DBNL: variants seen among roughly 807,000 people sequenced by gnomAD.
The protein encoded by DBNL is drebrin like, also known as drebrin-like protein.
In DBNL, 35 loss-of-function variants were observed where a neutral mutation model predicts 62.2. That is an observed-to-expected ratio of 0.56 (90% CI 0.43 to 0.75). DBNL has a LOEUF of 0.75. Among genes scored for constraint, DBNL ranks in the 30% least tolerant of loss-of-function variants. DBNL has a pLI of 0.00. For synonymous variants in DBNL, 197 were observed against 218.0 expected (o/e 0.90, Z 0.85); for missense variants, 495 against 578.4 (o/e 0.86, Z 1.48).
chr7:44,049,389 C>T (rs2096122586), intron 1 of DBNL, among the ~76,000 whole-genome samples: 1 of 152,206 alleles, frequency 6.6e-6, no homozygotes, highest in Admixed American at 6.5e-5. Flanking sequence ...ATCTCCTGAC[C>T]TCGTGATCCA....
chr7:44,047,172 C>T (rs534515751), intron 1 of DBNL, among the ~76,000 whole-genome samples: 1 of 152,160 alleles, frequency 6.6e-6, no homozygotes, highest in Non-Finnish European at 1.5e-5. Flanking sequence ...TGCTGGAAAT[C>T]CTTATGGATT....
rs1025636603 is a variant in DBNL at position 44,059,680 on chromosome 7, G to A, written c.1047+22G>A. Reference sequence around the variant, plus strand: ...ACTGGTGGGTTCCTACACTGGGGCTGGGGCCAGGAAGGGGCTGCATACTCA... The same window carrying A: ...ACTGGTGGGTTCCTACACTGGGGCTAGGGCCAGGAAGGGGCTGCATACTCA... On this transcript the variant is annotated intron_variant, in intron 11 of 12. Transcript: ENST00000448521. This position sits in a 1 kb window ranked among gnomAD's most constrained non-coding sequence, Gnocchi z 4.1. 1.9e-6 allele frequency: 3 copies of A among 1,578,344 alleles called. No individual in the cohort carries two copies. The highest frequency in any genetic ancestry group is 2.6e-6 in the Non-Finnish European group (3 of 1,167,670).
rs2096154751 is a variant in DBNL at position 44,064,222 on chromosome 7, C to T, written c.*3306C>T. On this transcript the variant is annotated 3_prime_UTR_variant, in exon 13 of 13. Transcript: ENST00000448521. The stretch of plus-strand genomic sequence containing the variant: ...CATGCATCCCGGGCCCATTTGTCAG[C>T]CCTTGCTCTTCAGTGGGAGCCCAGC... 6.4e-6 allele frequency: 1 copy of T among 156,572 alleles called. No homozygotes were observed. The highest frequency in any genetic ancestry group is 2.4e-5 in the African/African-American group (1 of 41,490). The allele number at this position is 156,572 out of a possible 1,614,324, so 9.7% of individuals were successfully genotyped here.
At chr7:44,045,396 G>A (rs759077217) in intron 1 of DBNL, among the ~76,000 whole-genome samples, 1 of 152,204 alleles carries the variant, frequency 6.6e-6, no homozygotes, top group South Asian at 2.1e-4. Context: ...TCTCCAAAAA[G>A]TGTACTCTTT....
chr7:44,065,692 G>A lies in DBNL; in HGVS notation c.*4776G>A, dbSNP rs886642902. The A allele has an allele frequency of 1.4e-6, 1 of 697,302 alleles. No individual in the cohort carries two copies. The highest frequency in any genetic ancestry group is 1.7e-5 in the African/African-American group (1 of 57,482). 43.2% of individuals were successfully genotyped at this position (697,302 alleles called of 1,614,324 possible). ...AGTAGCTGAGCTGCTGGGGGCTGGG[G>A]GCCAGGGGAGTGTGCAGGCCAAGAG... On this transcript the variant is annotated 3_prime_UTR_variant, in exon 13 of 13. Coordinates refer to ENST00000448521, the MANE Select transcript of DBNL (RefSeq NM_001014436.3).
rs1418244932 is a variant in DBNL, at chr7:44,059,489, C to T, written c.931+40C>T. 1.2e-6 allele frequency: 2 copies of T among 1,613,400 alleles called. No homozygotes were observed. The stretch of plus-strand genomic sequence containing the variant: ...ACCCCATGGGGACCCTGGGGGACAG[C>T]AGTGGAGAAGGGGGATGTGTGGGAG... On this transcript the variant is annotated intron_variant, in intron 10 of 12. Coordinates refer to ENST00000448521, the MANE Select transcript of DBNL (RefSeq NM_001014436.3). The surrounding 1 kb of genome is among the most constrained non-coding windows in gnomAD (Gnocchi z 4.1).
In DBNL at chr7:44,060,782, G is replaced by T. The variant is rs762296010; in HGVS notation, c.1159G>T (p.Asp387Tyr). ...RALYDYQAAD[D>Y]TEISFDPENL... is the part of the protein sequence containing the mutation. ...TGGGCTCATCCTCTTTGCAGCCGACGACACAGAGATCTCCTTTGACCCCGA... is the reference window on the plus strand; with the variant it reads ...TGGGCTCATCCTCTTTGCAGCCGACTACACAGAGATCTCCTTTGACCCCGA... Residue 387 changes from aspartate to tyrosine, a missense_variant, in exon 13 of 13, where the codon GAC becomes TAC. Coordinates refer to ENST00000448521, the MANE Select transcript of DBNL (RefSeq NM_001014436.3). The surrounding 1 kb of genome is among the most constrained non-coding windows in gnomAD (Gnocchi z 6.3). The T allele has an allele frequency of 1.2e-6, 2 of 1,613,764 alleles. No homozygotes were observed. The highest frequency in any genetic ancestry group is 1.1e-5 in the South Asian group (1 of 91,058).
At chr7:44,046,532 G>A (rs576474869) in intron 1 of DBNL, among the ~76,000 whole-genome samples, 40 of 152,198 alleles carry the variant, frequency 2.6e-4, no homozygotes, top group African/African-American at 8.9e-4. Flanking sequence ...CCCTCATGAG[G>A]GTTGTGGAGC....
rs888074959 is a variant in DBNL, at chr7:44,060,385, G to A, written c.1153+232G>A. Among the ~76,000 whole-genome samples the A allele has an allele frequency of 2.6e-5, 4 of 152,224 alleles. No homozygotes were observed. Among genetic ancestry groups the A allele is most frequent in the African/African-American group, 7.2e-5 (3 of 41,534 alleles). ...GTTCCTCATTAGCTATTTGCTGGCC[G>A]CTGATGTGAATCCCAGTTGCCACCC... On this transcript the variant is annotated intron_variant, in intron 12 of 12. Transcript: ENST00000448521. The surrounding 1 kb of genome is among the most constrained non-coding windows in gnomAD (Gnocchi z 6.3).
intron 4 of DBNL, among the ~76,000 whole-genome samples, chr7:44,054,098 T>C (rs756591962): frequency 1.2e-4 from 18 of 152,356 alleles, no homozygotes; most frequent in Non-Finnish European, 2.1e-4. Context: ...AATGACGTCA[T>C]GGGTCTGGCT....
chr7:44,059,308 G>T lies in DBNL; in HGVS notation c.836-46G>T. 6.3e-7 allele frequency: 1 copy of T among 1,592,544 alleles called. No individual in the cohort carries two copies. ...AGGGTGCTGTGGGGTGCGTGGGTGT[G>T]TGGTGGTGTTTCTGAAGTGATGTAT... On this transcript the variant is annotated intron_variant, in intron 9 of 12. Transcript: ENST00000448521. This position sits in a 1 kb window ranked among gnomAD's most constrained non-coding sequence, Gnocchi z 4.1.
In DBNL at chr7:44,062,639, A is replaced by T; in HGVS notation, c.*1723A>T. Reference sequence around the variant, plus strand: ...TGGTGACACACGTATGGAGTGGGGGAGGGTGGGTGGCTGCACCCCTGGTTC... The same window carrying T: ...TGGTGACACACGTATGGAGTGGGGGTGGGTGGGTGGCTGCACCCCTGGTTC... On this transcript the variant is annotated 3_prime_UTR_variant, in exon 13 of 13. Coordinates refer to ENST00000448521, the MANE Select transcript of DBNL (RefSeq NM_001014436.3). The T allele has an allele frequency of 1.1e-6, 1 of 929,876 alleles. No individual in the cohort carries two copies. The highest frequency in any genetic ancestry group is 1.5e-5 in the South Asian group (1 of 67,846). The allele number at this position is 929,876 out of a possible 1,614,324, so 57.6% of individuals were successfully genotyped here. A position where few individuals can be genotyped will look rare whatever the true frequency, so the allele number is the denominator to read the frequency against.
chr7:44,056,955 A>AG (rs1310888482), intron 5 of DBNL, 52 bp downstream of exon 5: 4 of 1,608,888 alleles, frequency 2.5e-6, no homozygotes, highest in Non-Finnish European at 3.4e-6. Flanking sequence ...GGCCTGAGGC[A>AG]GGGGGCCAGG....
At chr7:44,046,572 C>T (rs1350659053) in intron 1 of DBNL, among the ~76,000 whole-genome samples, 3 of 152,136 alleles carry the variant, frequency 2.0e-5, no homozygotes, top group East Asian at 1.9e-4. Context: ...AGTCAGAACC[C>T]ACCCATCTCA....
intron 2 of DBNL, 114 bp from the exon 3 acceptor site, chr7:44,051,716 A>G: frequency 2.4e-6 from 2 of 835,434 alleles, no homozygotes; most frequent in Non-Finnish European, 3.8e-6. Flanking sequence ...ATTCTGATAC[A>G]GGTAGAGGTG....
Position 44,065,061 on chromosome 7 carries a change from AC to A in DBNL, c.*4148del. On this transcript the variant is annotated 3_prime_UTR_variant, in exon 13 of 13. Transcript: ENST00000448521. ...TTCCCTCCCAAGCCAGTGGGCCCCC[AC>A]CCGACTCCCCACTCTGCAGCTTCCC... is the stretch of plus-strand genomic sequence containing the variant. The A allele has an allele frequency of 6.2e-7, 1 of 1,610,158 alleles. No homozygotes were observed. Among genetic ancestry groups the A allele is most frequent in the South Asian group, 1.1e-5 (1 of 91,006 alleles).
Position 44,047,563 on chromosome 7 carries a change from T to G in DBNL, c.84-2662T>G, listed in dbSNP as rs781302361. On this transcript the variant is annotated intron_variant, in intron 1 of 12. Coordinates refer to ENST00000448521, the MANE Select transcript of DBNL (RefSeq NM_001014436.3). Reference sequence around the variant, plus strand: ...TACGTTAGTGTTAGGTGTGTGTTTTTTCTTCCGTTAGAAAGTAAGTTCCAT... The same window carrying G: ...TACGTTAGTGTTAGGTGTGTGTTTTGTCTTCCGTTAGAAAGTAAGTTCCAT... Among the ~76,000 whole-genome samples the G allele has an allele frequency of 7.2e-5, 11 of 152,340 alleles. 1 individual carries two copies. Among genetic ancestry groups the G allele is most frequent in the Middle Eastern group, 3.4e-3 (1 of 294 alleles).
rs1042289455 is a variant in DBNL, at chr7:44,059,724, C to T, written c.1047+66C>T. The T allele has an allele frequency of 7.6e-6, 11 of 1,444,982 alleles. No individual in the cohort carries two copies. Among genetic ancestry groups the T allele is most frequent in the Middle Eastern group, 2.4e-4 (1 of 4,090 alleles). The allele number at this position is 1,444,982 out of a possible 1,614,324, so 89.5% of individuals were successfully genotyped here. On this transcript the variant is annotated intron_variant, in intron 11 of 12. Transcript: ENST00000448521. The surrounding 1 kb of genome is among the most constrained non-coding windows in gnomAD (Gnocchi z 4.1). The stretch of plus-strand genomic sequence containing the variant: ...ATACTCAGGAACACTTATCACGGGC[C>T]GCCTGAGTTTTCTGGGGGCATGCAA...
rs1562659816 is a variant in DBNL at position 44,062,730 on chromosome 7, TGGG to T, written c.*1817_*1819del. 1.2e-6 allele frequency: 2 copies of T among 1,611,390 alleles called. No homozygotes were observed. Among genetic ancestry groups the T allele is most frequent in the South Asian group, 1.1e-5 (1 of 90,896 alleles). On this transcript the variant is annotated 3_prime_UTR_variant, in exon 13 of 13. Coordinates refer to ENST00000448521, the MANE Select transcript of DBNL (RefSeq NM_001014436.3). ...ACGGCTGCGCTGGACTCCAGGCTGT[TGGG>T]GGAGGTGCCTTTATTGCCCAAGCCC... is the stretch of plus-strand genomic sequence containing the variant.
Sources: allele counts gnomAD v4.1 joint callset (sites outside exome capture counted in the v4.1 genomes callset), GRCh38; gene constraint gnomAD v4.1.1; non-coding constraint Gnocchi (gnomAD v3.1); transcripts MANE v1.5; gene names NCBI Gene and HGNC (gene_info 2026-07-23, HGNC 2026-07-21).